The following KCNQ1 variants were observed in gnomAD, a reference collection of about 807,000 sequenced individuals.
KCNQ1 encodes the protein potassium voltage-gated channel subfamily Q member 1, also known as potassium voltage-gated channel subfamily KQT member 1.
In KCNQ1, 49 loss-of-function variants were observed where a neutral mutation model predicts 72.4. That is an observed-to-expected ratio of 0.68 (90% CI 0.54 to 0.86). KCNQ1 has a LOEUF of 0.86. KCNQ1 is among the 40% of genes least tolerant of loss of function. KCNQ1 has a pLI of 0.00. For synonymous variants in KCNQ1, 450 were observed against 412.6 expected (o/e 1.09, Z -1.10); for missense variants, 790 against 945.1 (o/e 0.84, Z 2.15).
chr11:2,735,946 G>A lies in KCNQ1; in HGVS notation c.1515-32898G>A, dbSNP rs1326108919. ...CAGTCACAGTCAGAGGCAGGAGGAGGTGGGTGAGAGGACCCCACGCCCTTC... is the reference window on the plus strand; with the variant it reads ...CAGTCACAGTCAGAGGCAGGAGGAGATGGGTGAGAGGACCCCACGCCCTTC... On this transcript the variant is annotated intron_variant, in intron 11 of 15. Transcript: ENST00000155840. This position sits in a 1 kb window ranked among gnomAD's most constrained non-coding sequence, Gnocchi z 7.7. Among the ~76,000 whole-genome samples the A allele has an allele frequency of 1.3e-5, 2 of 152,182 alleles. No individual in the cohort carries two copies. Among genetic ancestry groups the A allele is most frequent in the African/African-American group, 4.8e-5 (2 of 41,448 alleles).
chr11:2,843,609 C>T (rs546597101), intron 15 of KCNQ1, among the ~76,000 whole-genome samples: 12 of 152,280 alleles, frequency 7.9e-5, no homozygotes, highest in Non-Finnish European at 1.8e-4. Context: ...CTGCCATCCA[C>T]GAGGCCAGGG....
chr11:2,800,114 C>T (rs912741513), intron 15 of KCNQ1, among the ~76,000 whole-genome samples: 2 of 152,214 alleles, frequency 1.3e-5, no homozygotes, highest in African/African-American at 4.8e-5. Flanking sequence ...GTCCACAGTT[C>T]CCAGGGCTCT....
chr11:2,666,953 C>T, intron 11 of KCNQ1: 1 of 398,760 alleles, frequency 2.5e-6, no homozygotes, highest in East Asian at 3.6e-5. Context: ...CACGAGATGC[C>T]AAGGAAGCCC....
chr11:2,802,795 T>C (rs1847294056), intron 15 of KCNQ1, among the ~76,000 whole-genome samples: 1 of 152,138 alleles, frequency 6.6e-6, no homozygotes, highest in South Asian at 2.1e-4. Flanking sequence ...TCCCAGCCCT[T>C]CACCTCACAG....
chr11:2,706,933 G>T (rs562336853), intron 11 of KCNQ1, among the ~76,000 whole-genome samples: 10 of 152,206 alleles, frequency 6.6e-5, no homozygotes, highest in Admixed American at 4.6e-4. Flanking sequence ...GAGAGGGTGC[G>T]TGATGGGTGG....
rs766680180 is a variant in KCNQ1, at chr11:2,768,941, C to T, written c.1590+22C>T. On this transcript the variant is annotated intron_variant, in intron 12 of 15. Transcript: ENST00000155840. This position sits in a 1 kb window ranked among gnomAD's most constrained non-coding sequence, Gnocchi z 6.7. ...CCAGGTAAGCCCTGTGCTGAGCCTTCCTGCCCTCAGCCTGCCCCTCGCAGC... is the reference window on the plus strand; with the variant it reads ...CCAGGTAAGCCCTGTGCTGAGCCTTTCTGCCCTCAGCCTGCCCCTCGCAGC... The T allele has an allele frequency of 3.1e-6, 5 of 1,592,624 alleles. No individual in the cohort carries two copies. The highest frequency in any genetic ancestry group is 4.5e-5 in the East Asian group (2 of 44,750).
rs530850220 is a variant in KCNQ1, at chr11:2,668,258, G to A, written c.1514+6177G>A. ...CAGGCAGTTTCTGGTGTAGGTTGCT[G>A]TTTAAGAATATTCTGTACATGCTTT... On this transcript the variant is annotated intron_variant, in intron 11 of 15. Transcript: ENST00000155840. The surrounding 1 kb of genome is among the most constrained non-coding windows in gnomAD (Gnocchi z 4.3). 7 of 398,556 alleles carry A rather than the reference G, an allele frequency of 1.8e-5. No individual in the cohort carries two copies. The highest frequency in any genetic ancestry group is 3.6e-5 in the East Asian group (1 of 28,090). The allele number at this position is 398,556 out of a possible 1,614,324, so 24.7% of individuals were successfully genotyped here. A position where few individuals can be genotyped will look rare whatever the true frequency, so the allele number is the denominator to read the frequency against.
Position 2,559,234 on chromosome 11 carries a change from G to A in KCNQ1, c.478-11394G>A, listed in dbSNP as rs927975343. On this transcript the variant is annotated intron_variant, in intron 2 of 15. Transcript: ENST00000155840. The surrounding 1 kb of genome is among the most constrained non-coding windows in gnomAD (Gnocchi z 4.9). ...TGCTTCCCGGGAAGCCCGTGGAGAG[G>A]ATGCATTCGACACCCAAGGCCTTAT... is the stretch of plus-strand genomic sequence containing the variant. Among the ~76,000 whole-genome samples the A allele has an allele frequency of 2.0e-5, 3 of 152,120 alleles. No individual in the cohort carries two copies. Among genetic ancestry groups the A allele is most frequent in the Non-Finnish European group, 4.4e-5 (3 of 68,010 alleles).
chr11:2,637,424 C>T (rs1235284599), intron 10 of KCNQ1: 1 of 152,190 alleles, frequency 6.6e-6, no homozygotes, highest in East Asian at 1.9e-4. Context: ...TATTTCTCTG[C>T]CTTCATTTCG....
At chr11:2,630,562 A>C (rs935085793) in intron 10 of KCNQ1, 4 of 398,248 alleles carry the variant, frequency 1.0e-5, no homozygotes, top group African/African-American at 8.2e-5. Flanking sequence ...TGAAAACAAT[A>C]GTAATTTTTA....
At chr11:2,496,224 C>G (rs1431106494) in intron 1 of KCNQ1, among the ~76,000 whole-genome samples, 1 of 151,952 alleles carries the variant, frequency 6.6e-6, no homozygotes, top group African/African-American at 2.4e-5. Context: ...ATCACGAGAT[C>G]AGGAGATCGA....
At position 2,752,208 on chromosome 11, in the gene KCNQ1, G is replaced by C. The variant is rs976184628; in HGVS notation, c.1515-16636G>C. 3.3e-5 allele frequency among the ~76,000 whole-genome samples: 5 copies of C among 152,168 alleles called. No homozygotes were observed. Among genetic ancestry groups the C allele is most frequent in the African/African-American group, 1.2e-4 (5 of 41,430 alleles). ...ACTGTGCTGAGTGTTACTGAGTTGA[G>C]GTGACTGGGTTGATTTTAGCTTCAC... On this transcript the variant is annotated intron_variant, in intron 11 of 15. Coordinates refer to ENST00000155840, the MANE Select transcript of KCNQ1 (RefSeq NM_000218.3). The surrounding 1 kb of genome is among the most constrained non-coding windows in gnomAD (Gnocchi z 5.2).
intron 1 of KCNQ1, chr11:2,461,759 C>A: frequency 7.4e-7 from 1 of 1,352,466 alleles, no homozygotes; most frequent in Admixed American, 2.0e-5. Flanking sequence ...AAGGGATGGG[C>A]AGGTGGATGG....
Position 2,824,491 on chromosome 11 carries a change from A to C in KCNQ1, c.1795-23276A>C, listed in dbSNP as rs1236874821. Among the ~76,000 whole-genome samples the C allele has an allele frequency of 6.6e-6, 1 of 152,120 alleles. No homozygotes were observed. Among genetic ancestry groups the C allele is most frequent in the Admixed American group, 6.5e-5 (1 of 15,278 alleles). ...GACACGCAGGGCCTGAAAGGTTCTG[A>C]GGTGTCCACGTGGAGGTGTTTGCCC... On this transcript the variant is annotated intron_variant, in intron 15 of 15. Coordinates refer to ENST00000155840, the MANE Select transcript of KCNQ1 (RefSeq NM_000218.3). The surrounding 1 kb of genome is among the most constrained non-coding windows in gnomAD (Gnocchi z 5.9).
rs1850292930 is a variant in KCNQ1, at chr11:2,676,277, T to C, written c.1514+14196T>C. 2.5e-6 allele frequency: 1 copy of C among 398,672 alleles called. No individual in the cohort carries two copies. Among genetic ancestry groups the C allele is most frequent in the Non-Finnish European group, 4.4e-6 (1 of 226,076 alleles). The allele number at this position is 398,672 out of a possible 1,614,324, so 24.7% of individuals were successfully genotyped here. On this transcript the variant is annotated intron_variant, in intron 11 of 15. Transcript: ENST00000155840. The surrounding 1 kb of genome is among the most constrained non-coding windows in gnomAD (Gnocchi z 4.2). The stretch of plus-strand genomic sequence containing the variant: ...AAGCATTTTTATTGCAAAATGTGTG[T>C]TTACATGTATACAGACACACGTGTG...
rs759995964 is a variant in KCNQ1 at position 2,808,695 on chromosome 11, T to G, written c.1794+30658T>G. ...TGAAAGGTAAATACCTTCATGACCA[T>G]GCCCCCTTTCCCTAGGATACCCCTT... On this transcript the variant is annotated intron_variant, in intron 15 of 15. Coordinates refer to ENST00000155840, the MANE Select transcript of KCNQ1 (RefSeq NM_000218.3). The surrounding 1 kb of genome is among the most constrained non-coding windows in gnomAD (Gnocchi z 6.0). 6.6e-6 allele frequency among the ~76,000 whole-genome samples: 1 copy of G among 152,182 alleles called. No homozygotes were observed. The highest frequency in any genetic ancestry group is 1.5e-5 in the Non-Finnish European group (1 of 68,022).
intron 10 of KCNQ1, among the ~76,000 whole-genome samples, chr11:2,590,908 G>A (rs1459929026): frequency 6.6e-6 from 1 of 152,222 alleles, no homozygotes; most frequent in Admixed American, 6.5e-5. Flanking sequence ...GAGGAGGTGT[G>A]GGAGGCCAAG....
In KCNQ1 at chr11:2,713,921, C is replaced by T. The variant is rs1851047122; in HGVS notation, c.1514+51840C>T. 6.6e-6 allele frequency among the ~76,000 whole-genome samples: 1 copy of T among 152,262 alleles called. No individual in the cohort carries two copies. Among genetic ancestry groups the T allele is most frequent in the Admixed American group, 6.5e-5 (1 of 15,290 alleles). ...CGATGGCCCAGCACGCCGCTCACTG[C>T]CGCGCCTTTGTTCTCTGCTTCCTGC... On this transcript the variant is annotated intron_variant, in intron 11 of 15. Coordinates refer to ENST00000155840, the MANE Select transcript of KCNQ1 (RefSeq NM_000218.3). This position sits in a 1 kb window ranked among gnomAD's most constrained non-coding sequence, Gnocchi z 5.6.
At position 2,647,562 on chromosome 11, in the gene KCNQ1, CTG is replaced by C. The variant is rs1301408344; in HGVS notation, c.1394-14398_1394-14397del. ...TTTCTCTTCAGTCTTTTGGAATTGT[CTG>C]AGAAGAATTCATGTTAGTTCTTTAA... is the stretch of plus-strand genomic sequence containing the variant. On this transcript the variant is annotated intron_variant, in intron 10 of 15. Transcript: ENST00000155840. This position sits in a 1 kb window ranked among gnomAD's most constrained non-coding sequence, Gnocchi z 4.0. 5 of 398,340 alleles carry C rather than the reference CTG, an allele frequency of 1.3e-5. No individual in the cohort carries two copies. The highest frequency in any genetic ancestry group is 1.8e-5 in the Non-Finnish European group (4 of 226,048). The allele number at this position is 398,340 out of a possible 1,614,324, so 24.7% of individuals were successfully genotyped here. A position where few individuals can be genotyped will look rare whatever the true frequency, so the allele number is the denominator to read the frequency against.
Sources: gnomAD v4.1 joint callset for allele counts (sites outside exome capture counted in the v4.1 genomes callset) on GRCh38, gnomAD v4.1.1 for gene constraint, Gnocchi (gnomAD v3.1) non-coding constraint, MANE v1.5 for transcripts, NCBI Gene and HGNC (gene_info 2026-07-23, HGNC 2026-07-21) for gene names.